The following DNAH10 variants were observed in gnomAD, a reference collection of about 807,000 sequenced individuals.
The protein encoded by DNAH10 is axonemal beta dynein heavy chain 10.
A neutral mutation model predicts 506.6 loss-of-function variants in DNAH10; 348 were observed. The observed-to-expected ratio is 0.69, with a 90% CI of 0.63 to 0.75. The LOEUF is 0.75. Among genes scored for constraint, DNAH10 ranks in the 30% least tolerant of loss-of-function variants. The pLI is 0.00. For missense variants in DNAH10, 5,179 were observed against 5,787.1 expected, an observed-to-expected ratio of 0.89 and a Z score of 3.41; for synonymous variants, 2,059 against 2,198.6, an observed-to-expected ratio of 0.94 and a Z score of 1.78.
chr12:123,915,154 G>A lies in DNAH10; in HGVS notation c.10722+155G>A, dbSNP rs975437049. Among the ~76,000 whole-genome samples the A allele has an allele frequency of 7.9e-5, 12 of 152,128 alleles. 1 individual carries two copies. The highest frequency in any genetic ancestry group is 3.9e-4 in the East Asian group (2 of 5,182). On this transcript the variant is annotated intron_variant, in intron 62 of 78. Transcript: ENST00000673944. ...CCATGCGGAGCCCTCCCCCGGCTCC[G>A]CCTCCGCCTCCACCCCGTGGGTCTG... is the stretch of plus-strand genomic sequence containing the variant.
intron 14 of DNAH10, 112 bp downstream of exon 14, chr12:123,799,483 C>G: frequency 7.1e-7 from 1 of 1,415,092 alleles, no homozygotes; most frequent in Non-Finnish European, 9.5e-7. Context: ...TTTCCAGAAT[C>G]AAAGACAAGG....
At chr12:123,766,020 C>A (rs1957032468) in intron 1 of DNAH10, among the ~76,000 whole-genome samples, 1 of 152,146 alleles carries the variant, frequency 6.6e-6, no homozygotes, top group Non-Finnish European at 1.5e-5. Context: ...ATCTACCTAC[C>A]TATACATCTA....
At chr12:123,893,116 C>T in intron 52 of DNAH10, 117 bp from the exon 53 acceptor site, 1 of 1,111,084 alleles carries the variant, frequency 9.0e-7, no homozygotes, top group Non-Finnish European at 1.3e-6. Flanking sequence ...GGCCCACACG[C>T]TGCTCTCTGG....
chr12:123,878,768 A>G (rs1952371153), intron 48 of DNAH10, among the ~76,000 whole-genome samples: 1 of 152,126 alleles, frequency 6.6e-6, no homozygotes, highest in African/African-American at 2.4e-5. Flanking sequence ...GTGTGGTGGT[A>G]TGTACCTGTA....
intron 23 of DNAH10, among the ~76,000 whole-genome samples, chr12:123,819,703 T>G (rs913197751): frequency 2.8e-5 from 4 of 141,962 alleles, no homozygotes; most frequent in African/African-American, 8.2e-5. Flanking sequence ...AAATTCTGTT[T>G]TTTTTTTTTT....
rs1224755830 is a variant in DNAH10 at position 123,904,000 on chromosome 12, A to G, written c.9815+887A>G. Among the ~76,000 whole-genome samples the G allele has an allele frequency of 1.3e-5, 2 of 152,170 alleles. No homozygotes were observed. The highest frequency in any genetic ancestry group is 2.9e-5 in the Non-Finnish European group (2 of 68,024). On this transcript the variant is annotated intron_variant, in intron 57 of 78. Transcript: ENST00000673944. The surrounding 1 kb of genome is among the most constrained non-coding windows in gnomAD (Gnocchi z 4.6). ...TTCTGGGCTCCCGCTGGAGCGGTGC[A>G]TGTTCCCTGTGCTTCCTATTTCTCT...
chr12:123,918,502 A>G (rs757259032), intron 64 of DNAH10, among the ~76,000 whole-genome samples, 174 bp from the exon 65 acceptor site: 28 of 152,234 alleles, frequency 1.8e-4, no homozygotes, highest in Non-Finnish European at 3.5e-4. Flanking sequence ...GGCGTCAGCC[A>G]CAAATATTCA....
chr12:123,880,264 C>T (rs114385452), intron 50 of DNAH10, among the ~76,000 whole-genome samples: 1,759 of 152,310 alleles, frequency 0.012, 36 homozygotes, highest in African/African-American at 0.04. Flanking sequence ...AAAAATCTCT[C>T]TTCCATTCTT....
chr12:123,836,240 T>A (rs1344172823), intron 28 of DNAH10, among the ~76,000 whole-genome samples: 2 of 152,242 alleles, frequency 1.3e-5, no homozygotes, highest in East Asian at 1.9e-4. Context: ...TTTCTCTTAA[T>A]ATTATGAGAA....
At chr12:123,770,180 G>A (rs961052489) in intron 2 of DNAH10, among the ~76,000 whole-genome samples, 4 of 151,878 alleles carry the variant, frequency 2.6e-5, no homozygotes, top group Admixed American at 2.0e-4. Flanking sequence ...CTCGGGAGGC[G>A]GAGGTTGCAG....
chr12:123,915,422 G>T (rs959361420), intron 62 of DNAH10, among the ~76,000 whole-genome samples: 3 of 152,126 alleles, frequency 2.0e-5, no homozygotes, highest in Non-Finnish European at 4.4e-5. Context: ...TTGAGTTTTA[G>T]TATATTTACA....
intron 54 of DNAH10, among the ~76,000 whole-genome samples, chr12:123,897,443 G>A (rs987911950): frequency 6.6e-6 from 1 of 152,182 alleles, no homozygotes; most frequent in African/African-American, 2.4e-5. Flanking sequence ...AACAAGCATG[G>A]CTGGGTGCGG....
chr12:123,813,306 A>G lies in DNAH10; in HGVS notation c.3287A>G (p.Asn1096Ser). The stretch of plus-strand genomic sequence containing the variant: ...GAACAAGCTGTTATGATCCCCCAAA[A>G]TGTCCACAGGATTCTGATCAATCTT... ...IIEQAVMIPQ[N>S]VHRILINLMK... Residue 1096 changes from asparagine (N) to serine (S), a missense_variant, in exon 20 of 79, where the codon AAT becomes AGT. Physicochemically the swap from Asn to Ser is conservative, Grantham distance 46. Coordinates refer to ENST00000673944, the MANE Select transcript of DNAH10 (RefSeq NM_001372106.1). The G allele has an allele frequency of 6.2e-7, 1 of 1,614,222 alleles. No individual in the cohort carries two copies. Among genetic ancestry groups the G allele is most frequent in the Non-Finnish European group, 8.5e-7 (1 of 1,180,050 alleles).
chr12:123,855,873 C>T (rs1951366767), intron 36 of DNAH10, among the ~76,000 whole-genome samples: 1 of 150,610 alleles, frequency 6.6e-6, no homozygotes, highest in Admixed American at 6.6e-5. Context: ...TGGCCTCACT[C>T]CTCTGCCTGT....
intron 36 of DNAH10, among the ~76,000 whole-genome samples, chr12:123,856,757 A>G (rs952676479): frequency 1.8e-4 from 27 of 147,750 alleles, no homozygotes; most frequent in Admixed American, 1.4e-4. Flanking sequence ...ACATATTAAT[A>G]TAAAATAAAA....
chr12:123,841,383 C>T lies in DNAH10; in HGVS notation c.5198C>T (p.Ser1733Phe). 1 of 1,613,960 alleles carries T rather than the reference C, an allele frequency of 6.2e-7. No individual in the cohort carries two copies. The highest frequency in any genetic ancestry group is 8.5e-7 in the Non-Finnish European group (1 of 1,179,898). ...NDGDSGEKLV[S>F]AMISAEGEVM... ...GGCGATAGTGGAGAAAAACTGGTGT[C>T]CGCGATGATTTCAGCAGAAGGAGAA... The change falls in exon 30 of 79, where the codon TCC (serine) becomes TTC (phenylalanine). Residue 1733 changes from serine (S) to phenylalanine (F), a missense_variant. Ser to Phe is a radical substitution (Grantham distance 155, BLOSUM62 -2). Transcript: ENST00000673944.
chr12:123,783,793 C>T (rs1957750124), intron 7 of DNAH10, among the ~76,000 whole-genome samples, 154 bp from the exon 8 acceptor site: 2 of 152,102 alleles, frequency 1.3e-5, no homozygotes, highest in Admixed American at 6.5e-5. Flanking sequence ...CTGAGATTCA[C>T]TATGATTGGA....
At chr12:123,868,519 CTGAG>C (rs528471881) in intron 43 of DNAH10, among the ~76,000 whole-genome samples, 487 of 152,272 alleles carry the variant, frequency 3.2e-3, no homozygotes, top group African/African-American at 0.011. Flanking sequence ...TGCTGTATTC[CTGAG>C]TATTTGCACA....
rs1346490271 is a variant in DNAH10 at position 123,886,776 on chromosome 12, C to A, written c.8824-366C>A. ...GAAAAAGCGTGCTTTAAACTTATGT[C>A]CTTATTCACATTTACATCGATTTCG... On this transcript the variant is annotated intron_variant, in intron 51 of 78. Transcript: ENST00000673944. Among the ~76,000 whole-genome samples, 3 of 152,114 alleles carry A rather than the reference C, an allele frequency of 2.0e-5. No homozygotes were observed. The East Asian group carries it at 5.8e-4, about 29-fold the overall frequency.
Sources: gnomAD v4.1 joint callset for allele counts (sites outside exome capture counted in the v4.1 genomes callset) on GRCh38, gnomAD v4.1.1 for gene constraint, Gnocchi (gnomAD v3.1) non-coding constraint, MANE v1.5 for transcripts, NCBI Gene and HGNC (gene_info 2026-07-23, HGNC 2026-07-21) for gene names.